Variants in DCC observed in about 807,000 individuals in gnomAD.
DCC encodes the protein netrin receptor DCC.
Under a neutral mutation model 172.5 loss-of-function variants are expected in DCC, and 58 were observed. That is an observed-to-expected ratio of 0.34 (90% confidence interval 0.27 to 0.42). The LOEUF is 0.42. Ranked by LOEUF, DCC falls within the 10% of genes least tolerant of loss-of-function variation. The pLI, the probability that DCC is intolerant of heterozygous loss-of-function variation, is 1.00. For missense variants in DCC, 1,740 were observed against 1,791.0 expected (o/e 0.97, Z 0.51); for synonymous variants, 709 against 644.5 (o/e 1.10, Z -1.52).
intron 5 of DCC, among the ~76,000 whole-genome samples, chr18:52,992,998 A>C (rs971922551): frequency 1.3e-5 from 2 of 152,068 alleles, no homozygotes; most frequent in Non-Finnish European, 2.9e-5. Context: ...AAAAAAAAAA[A>C]AAACACATGT....
intron 5 of DCC, among the ~76,000 whole-genome samples, chr18:52,933,042 A>G (rs913464287): frequency 1.3e-5 from 2 of 152,124 alleles, no homozygotes; most frequent in Non-Finnish European, 2.9e-5. Context: ...CCTGTTAAAC[A>G]TTATTGTTTT....
At chr18:52,553,478 C>T (rs934351389) in intron 1 of DCC, among the ~76,000 whole-genome samples, 12 of 152,014 alleles carry the variant, frequency 7.9e-5, no homozygotes, top group East Asian at 5.8e-4. Context: ...CTTGACCAGG[C>T]GACACAAAGA....
intron 5 of DCC, among the ~76,000 whole-genome samples, chr18:52,976,675 C>T (rs2041124372): frequency 1.3e-5 from 2 of 152,156 alleles, no homozygotes; most frequent in South Asian, 4.1e-4. Flanking sequence ...TTTTATTTTC[C>T]AGTCTGACTC....
At chr18:52,861,979 C>T (rs976253920) in intron 2 of DCC, among the ~76,000 whole-genome samples, 1 of 152,012 alleles carries the variant, frequency 6.6e-6, no homozygotes, top group African/African-American at 2.4e-5. Flanking sequence ...GGTAAAGATA[C>T]AACTGACAAG....
chr18:52,855,311 T>G (rs1245003216), intron 2 of DCC, among the ~76,000 whole-genome samples: 3 of 152,274 alleles, frequency 2.0e-5, no homozygotes, highest in Non-Finnish European at 4.4e-5. Flanking sequence ...GGAGTAAGAC[T>G]TAGGGTAAAA....
At chr18:52,844,126 C>T (rs1430171691) in intron 2 of DCC, among the ~76,000 whole-genome samples, 1 of 152,032 alleles carries the variant, frequency 6.6e-6, no homozygotes, top group Non-Finnish European at 1.5e-5. Flanking sequence ...AGAATTAATC[C>T]ACATAACAGA....
chr18:52,887,150 A>T (rs1437518614), intron 2 of DCC, among the ~76,000 whole-genome samples: 1 of 152,212 alleles, frequency 6.6e-6, no homozygotes, highest in East Asian at 1.9e-4. Flanking sequence ...ACAGTATTGC[A>T]AACTCAGTGC....
chr18:53,345,411 G>A (rs2144883734), intron 15 of DCC, among the ~76,000 whole-genome samples: 1 of 152,074 alleles, frequency 6.6e-6, no homozygotes, highest in East Asian at 1.9e-4. Flanking sequence ...TATTCCTTTT[G>A]TTGTAATTGT....
rs1418451436 is a variant in DCC at position 53,305,587 on chromosome 18, G to A, written c.1921G>A (p.Val641Ile). The A allele has an allele frequency of 1.9e-6, 3 of 1,612,286 alleles. No individual in the cohort carries two copies. The Admixed American group carries it at 5.0e-5, about 27-fold the overall frequency. Residue 641 changes from valine to isoleucine, a missense_variant, in exon 13 of 29, where the codon GTT (valine) becomes ATT (isoleucine). Around this residue, in one of 2 missense-constraint regions of DCC, gnomAD observed 1,732 missense variants for 1,767.4 expected, o/e 0.98. Coordinates refer to ENST00000442544, the MANE Select transcript of DCC (RefSeq NM_005215.4). ...ACCTATTATTTTACAGAGTATCAAA[G>A]TTAGCTGGCTGCCTCCTCCATCAGG... ...LEVVNSRSIKVSWLPPPSGTQ... is the reference protein window; with the variant it reads ...LEVVNSRSIKISWLPPPSGTQ...
At chr18:53,396,472 A>C (rs888515059) in intron 17 of DCC, among the ~76,000 whole-genome samples, 2 of 152,220 alleles carry the variant, frequency 1.3e-5, no homozygotes, top group South Asian at 4.1e-4. Context: ...AATTCAGAAG[A>C]CTTCAATAAT....
At chr18:53,257,231 C>T (rs1237739571) in intron 12 of DCC, among the ~76,000 whole-genome samples, 1 of 152,120 alleles carries the variant, frequency 6.6e-6, no homozygotes, top group African/African-American at 2.4e-5. Context: ...TTGCCCTGGC[C>T]AGAACTTCCA....
chr18:53,063,562 T>C, intron 6 of DCC, 103 bp downstream of exon 6: 3 of 926,912 alleles, frequency 3.2e-6, no homozygotes, highest in Non-Finnish European at 5.0e-6. Flanking sequence ...CTGTTGGAGA[T>C]TTTTTGTGAT....
At chr18:53,414,977 G>T (rs72933477) in intron 20 of DCC, among the ~76,000 whole-genome samples, 4 of 152,256 alleles carry the variant, frequency 2.6e-5, no homozygotes, top group Non-Finnish European at 5.9e-5. Context: ...TTCTGATTTA[G>T]AAATCACTCT....
At chr18:53,210,184 C>T (rs1029347599) in intron 11 of DCC, among the ~76,000 whole-genome samples, 3 of 152,156 alleles carry the variant, frequency 2.0e-5, no homozygotes, top group Non-Finnish European at 4.4e-5. Context: ...TATCCAGTTC[C>T]TTTCTGTCTA....
intron 1 of DCC, among the ~76,000 whole-genome samples, chr18:52,726,688 A>C (rs539199157): frequency 2.8e-4 from 43 of 152,234 alleles, no homozygotes; most frequent in Non-Finnish European, 4.6e-4. Context: ...CTCTGAAGTC[A>C]GGAAGACTCA....
At chr18:52,734,465 T>C (rs1402794930) in intron 1 of DCC, among the ~76,000 whole-genome samples, 1 of 152,182 alleles carries the variant, frequency 6.6e-6, no homozygotes, top group Non-Finnish European at 1.5e-5. Flanking sequence ...AACAGCAATC[T>C]CATCTAAAAG....
At chr18:52,799,047 C>A (rs757168245) in intron 2 of DCC, among the ~76,000 whole-genome samples, 10 of 152,282 alleles carry the variant, frequency 6.6e-5, no homozygotes, top group South Asian at 2.1e-4. Flanking sequence ...CCGTGGCCAG[C>A]CTTATGTGTG....
chr18:52,798,533 G>A (rs746100164), intron 2 of DCC, among the ~76,000 whole-genome samples: 4 of 151,664 alleles, frequency 2.6e-5, no homozygotes, highest in Non-Finnish European at 5.9e-5. Context: ...AATACAATTA[G>A]AGGTGTTTTT....
intron 2 of DCC, among the ~76,000 whole-genome samples, chr18:52,811,013 A>G (rs367647069): frequency 1.3e-5 from 2 of 152,232 alleles, no homozygotes; most frequent in Non-Finnish European, 2.9e-5. Context: ...TGGCATGAAC[A>G]GAGCTTAGCA....
Sources: gnomAD v4.1 joint callset for allele counts (sites outside exome capture counted in the v4.1 genomes callset) on GRCh38, gnomAD v4.1.1 for gene constraint, gnomAD v4.1.1 regional missense constraint, MANE v1.5 for transcripts, NCBI Gene and HGNC (gene_info 2026-07-23, HGNC 2026-07-21) for gene names.